Variants in RALYL observed in about 807,000 individuals in gnomAD.
RALYL encodes RNA-binding Raly-like protein.
RALYL carries 29 observed loss-of-function variants against 35.1 expected under a neutral mutation model. The observed-to-expected ratio is 0.83, with a 90% CI of 0.61 to 1.13. RALYL has a LOEUF of 1.13. RALYL is among the 50% of genes most tolerant of loss of function. The pLI is 0.00. For missense variants in RALYL, 359 were observed against 360.4 expected (o/e 1.00, Z 0.03); for synonymous variants, 120 against 127.6 (o/e 0.94, Z 0.40).
At chr8:84,686,321 G>A (rs943525540) in intron 2 of RALYL, among the ~76,000 whole-genome samples, 5 of 152,140 alleles carry the variant, frequency 3.3e-5, no homozygotes, top group African/African-American at 1.2e-4. Flanking sequence ...CATGCATAGA[G>A]GGGACCAAGT....
At chr8:84,819,752 G>C (rs1045620484) in intron 4 of RALYL, among the ~76,000 whole-genome samples, 3 of 152,170 alleles carry the variant, frequency 2.0e-5, no homozygotes, top group Admixed American at 6.5e-5. Context: ...GTGTTACATG[G>C]AGGGAAGAAA....
intron 8 of RALYL, among the ~76,000 whole-genome samples, chr8:84,905,513 AGTGG>A (rs1846340384): frequency 2.0e-5 from 3 of 152,114 alleles, no homozygotes; most frequent in Admixed American, 2.0e-4. Context: ...TGTTTTCCAG[AGTGG>A]CTGCATTATA....
At chr8:84,249,488 CT>C (rs1415393737) in intron 1 of RALYL, among the ~76,000 whole-genome samples, 1 of 152,076 alleles carries the variant, frequency 6.6e-6, no homozygotes, top group Non-Finnish European at 1.5e-5. Context: ...AAATTTGTAA[CT>C]TTATCAAACC....
At chr8:84,336,512 T>G (rs1209204241) in intron 1 of RALYL, among the ~76,000 whole-genome samples, 1 of 152,158 alleles carries the variant, frequency 6.6e-6, no homozygotes, top group Admixed American at 6.6e-5. Context: ...GAGAAGGACC[T>G]CATTCCCAGT....
intron 1 of RALYL, among the ~76,000 whole-genome samples, chr8:84,320,208 A>C (rs1844543189): frequency 6.6e-6 from 1 of 152,036 alleles, no homozygotes. Flanking sequence ...GAAGCATATA[A>C]TAACAACCAT....
chr8:84,416,470 T>C (rs1211321589), intron 1 of RALYL, among the ~76,000 whole-genome samples: 1 of 151,992 alleles, frequency 6.6e-6, no homozygotes, highest in African/African-American at 2.4e-5. Flanking sequence ...AGTTCCCATA[T>C]GAAGAGAGAA....
intron 7 of RALYL, among the ~76,000 whole-genome samples, chr8:84,877,501 T>A (rs185431148): frequency 2.1e-4 from 32 of 151,526 alleles, no homozygotes; most frequent in African/African-American, 7.5e-4. Context: ...AATAAATATA[T>A]ATATATATAT....
chr8:84,643,745 T>C (rs945215423), intron 2 of RALYL, among the ~76,000 whole-genome samples: 3 of 151,980 alleles, frequency 2.0e-5, no homozygotes, highest in Admixed American at 1.3e-4. Context: ...AAACTAATAA[T>C]GGAGAAGTAG....
At chr8:84,523,110 G>A (rs546951611) in intron 1 of RALYL, among the ~76,000 whole-genome samples, 9 of 151,948 alleles carry the variant, frequency 5.9e-5, no homozygotes, top group East Asian at 5.8e-4. Flanking sequence ...GTCCATTCTC[G>A]TGCTGCTAAT....
intron 1 of RALYL, among the ~76,000 whole-genome samples, chr8:84,506,451 A>G (rs1047602536): frequency 2.0e-5 from 3 of 152,058 alleles, no homozygotes; most frequent in African/African-American, 4.8e-5. Flanking sequence ...TATAATTACT[A>G]TGAAGTTTAT....
chr8:84,184,907 C>G, intron 1 of RALYL: 2 of 1,519,276 alleles, frequency 1.3e-6, no homozygotes, highest in Admixed American at 1.7e-5. Flanking sequence ...GGGGCTGGCT[C>G]CAGGCCACGC....
intron 2 of RALYL, among the ~76,000 whole-genome samples, chr8:84,628,779 G>A (rs988010686): frequency 3.9e-5 from 6 of 151,992 alleles, no homozygotes; most frequent in African/African-American, 1.4e-4. Context: ...TACAATCTCA[G>A]ATTGAAATAC....
intron 3 of RALYL, among the ~76,000 whole-genome samples, chr8:84,792,053 C>A (rs1052566972): frequency 6.6e-6 from 1 of 152,226 alleles, no homozygotes; most frequent in Admixed American, 6.5e-5. Context: ...TGGCCCCAGG[C>A]CAGCATCCAG....
chr8:84,448,660 T>C (rs1050638788), intron 1 of RALYL, among the ~76,000 whole-genome samples: 5 of 152,074 alleles, frequency 3.3e-5, no homozygotes, highest in Admixed American at 2.6e-4. Context: ...TTGACTCTAG[T>C]TAGGTAAAAA....
chr8:84,408,051 C>A (rs576143518), intron 1 of RALYL, among the ~76,000 whole-genome samples: 1 of 151,882 alleles, frequency 6.6e-6, no homozygotes, highest in African/African-American at 2.4e-5. Flanking sequence ...AGAATAAGAA[C>A]GCTATGAAAC....
At chr8:84,351,212 GTAGT>G (rs1276173878) in intron 1 of RALYL, among the ~76,000 whole-genome samples, 3 of 149,964 alleles carry the variant, frequency 2.0e-5, no homozygotes, top group East Asian at 1.9e-4. Context: ...ATCTGATTAA[GTAGT>G]TATTTTGTTA....
Position 84,390,829 on chromosome 8 carries a change from C to A in RALYL, c.-23-138470C>A, listed in dbSNP as rs1860514359. ...TCTAATAATGGGATGTAGTTCCTCC[C>A]AGTCCACTGTCTCCTCTCCTTGTTT... On this transcript the variant is annotated intron_variant, in intron 1 of 8. Coordinates refer to ENST00000521268, the MANE Select transcript of RALYL (RefSeq NM_173848.7). Among the ~76,000 whole-genome samples the A allele has an allele frequency of 2.0e-5, 3 of 151,938 alleles. 1 individual carries two copies. The South Asian group carries it at 6.2e-4, about 31-fold the overall frequency.
At chr8:84,593,042 A>G (rs1159955586) in intron 2 of RALYL, among the ~76,000 whole-genome samples, 1 of 152,154 alleles carries the variant, frequency 6.6e-6, no homozygotes, top group African/African-American at 2.4e-5. Flanking sequence ...TTACATTACA[A>G]CATATGACTG....
In RALYL at chr8:84,432,124, C is replaced by T. The variant is rs138045004; in HGVS notation, c.-23-97175C>T. Among the ~76,000 whole-genome samples, 200 of 152,174 alleles carry T rather than the reference C, an allele frequency of 1.3e-3. 2 individuals carry two copies. The highest frequency in any genetic ancestry group is 4.1e-3 in the African/African-American group (172 of 41,542). Reference sequence around the variant, plus strand: ...AAAACAGGGTCTCAGAGATTGTTTGCGCTCCCCTGTTTGTGGTAGCATGAT... The same window carrying T: ...AAAACAGGGTCTCAGAGATTGTTTGTGCTCCCCTGTTTGTGGTAGCATGAT... On this transcript the variant is annotated intron_variant, in intron 1 of 8. Transcript: ENST00000521268.
Sources: allele counts gnomAD v4.1 joint callset (sites outside exome capture counted in the v4.1 genomes callset), GRCh38; gene constraint gnomAD v4.1.1; transcripts MANE v1.5; gene names NCBI Gene and HGNC (gene_info 2026-07-23, HGNC 2026-07-21).